The following RAVER2 variants were observed in gnomAD, a reference collection of about 807,000 sequenced individuals.
The protein encoded by RAVER2 is ribonucleoprotein PTB-binding 2.
In RAVER2, 46 loss-of-function variants were observed where a neutral mutation model predicts 78.1. The observed-to-expected ratio is 0.59, with a 90% CI of 0.46 to 0.75. The LOEUF (loss-of-function observed/expected upper bound fraction) is 0.75. Among genes scored for constraint, RAVER2 ranks in the 30% least tolerant of loss-of-function variants. The pLI is 0.00. For synonymous variants in RAVER2, 311 were observed against 313.3 expected, an observed-to-expected ratio of 0.99 and a Z score of 0.08; for missense variants, 793 against 837.5, an observed-to-expected ratio of 0.95 and a Z score of 0.66.
chr1:64,770,822 CAGAAT>C (rs1023127352), intron 2 of RAVER2, among the ~76,000 whole-genome samples: 3 of 151,612 alleles, frequency 2.0e-5, no homozygotes, highest in Non-Finnish European at 4.4e-5. Flanking sequence ...GGATTAATGG[CAGAAT>C]AGACACTGTG....
At chr1:64,833,173 C>G in exon 12 of RAVER2, 1 of 195,332 alleles carries the variant, frequency 5.1e-6, no homozygotes, top group Non-Finnish European at 1.1e-5. Flanking sequence ...TCTATGTAAG[C>G]AAATTGTTTG....
At chr1:64,748,239 A>T (rs572611133) in intron 1 of RAVER2, among the ~76,000 whole-genome samples, 2 of 152,222 alleles carry the variant, frequency 1.3e-5, no homozygotes, top group Non-Finnish European at 2.9e-5. Flanking sequence ...GGTCTGCCTA[A>T]GCTTTCTGGA....
At chr1:64,777,845 G>A (rs1048564210) in exon 3 of RAVER2, 1 of 1,614,084 alleles carries the variant, frequency 6.2e-7, no homozygotes, top group Non-Finnish European at 8.5e-7. Context: ...GAAGTTACTG[G>A]CCATTCCAAA....
chr1:64,827,746 T>C (rs1019749629), intron 11 of RAVER2, among the ~76,000 whole-genome samples: 1 of 152,268 alleles, frequency 6.6e-6, no homozygotes, highest in African/African-American at 2.4e-5. Flanking sequence ...ACATATAATC[T>C]GTGTGTTTGC....
intron 2 of RAVER2, among the ~76,000 whole-genome samples, chr1:64,771,292 A>G (rs1403575228): frequency 1.3e-5 from 2 of 152,034 alleles, no homozygotes; most frequent in Non-Finnish European, 2.9e-5. Context: ...CAAAAACACA[A>G]CAGGTCCACA....
At chr1:64,810,810 C>A (rs1418984259) in intron 9 of RAVER2, among the ~76,000 whole-genome samples, 1 of 152,096 alleles carries the variant, frequency 6.6e-6, no homozygotes, top group African/African-American at 2.4e-5. Flanking sequence ...GAGTTTTCTA[C>A]ATACAGTTGA....
intron 1 of RAVER2, among the ~76,000 whole-genome samples, chr1:64,758,322 G>C (rs528309516): frequency 1.3e-5 from 2 of 151,834 alleles, no homozygotes; most frequent in South Asian, 4.2e-4. Context: ...TATGTTAAAT[G>C]GCAAAAAGGG....
chr1:64,804,902 A>G, intron 7 of RAVER2, 64 bp downstream of exon 7: 2 of 1,509,140 alleles, frequency 1.3e-6, no homozygotes, highest in Non-Finnish European at 1.8e-6. Flanking sequence ...CAGGCTGTGG[A>G]TCAGGTTGTT....
intron 9 of RAVER2, among the ~76,000 whole-genome samples, chr1:64,811,880 C>T (rs1053706328): frequency 3.3e-5 from 5 of 152,184 alleles, no homozygotes; most frequent in Non-Finnish European, 5.9e-5. Flanking sequence ...CTAACTAATA[C>T]ATAAAAATAT....
chr1:64,747,936 AT>A lies in RAVER2; in HGVS notation c.249+2521del, dbSNP rs539085177. The stretch of plus-strand genomic sequence containing the variant: ...ATAACTTACTAGTAGAAACCCAATA[AT>A]TTTTTCTTAACATTTGAAATATATG... On this transcript the variant is annotated intron_variant, in intron 1 of 11. Transcript: ENST00000294428. 4.5e-3 allele frequency among the ~76,000 whole-genome samples: 681 copies of A among 152,100 alleles called. 5 individuals are homozygous for A. Among genetic ancestry groups the A allele is most frequent in the Non-Finnish European group, 7.6e-3 (518 of 68,004 alleles).
chr1:64,832,847 C>CTCT (rs1440465760), exon 12 of RAVER2: 2 of 152,234 alleles, frequency 1.3e-5, no homozygotes, highest in Non-Finnish European at 2.9e-5. Flanking sequence ...TGCATTCAGC[C>CTCT]TCTTCAATGC....
chr1:64,829,276 G>A lies in RAVER2; in HGVS notation c.1930-1563G>A, dbSNP rs569674113. Among the ~76,000 whole-genome samples the A allele has an allele frequency of 4.6e-5, 7 of 152,316 alleles. No homozygotes were observed. The East Asian group carries it at 1.2e-3, about 25-fold the overall frequency. On this transcript the variant is annotated intron_variant, in intron 11 of 11. Coordinates refer to ENST00000294428, the Ensembl canonical transcript of RAVER2. ...TGGGGAAGGTGGGTGAGAAGAGCAG[G>A]AGCATCCCAGATCCCAGAGTGAGCA...
At chr1:64,770,104 T>C (rs1652274588) in intron 2 of RAVER2, among the ~76,000 whole-genome samples, 1 of 152,056 alleles carries the variant, frequency 6.6e-6, no homozygotes, top group Non-Finnish European at 1.5e-5. Flanking sequence ...GCTTTACCTT[T>C]CCCAGTATTT....
chr1:64,823,413 A>G lies in RAVER2; in HGVS notation c.1930-7426A>G, dbSNP rs183701318. On this transcript the variant is annotated intron_variant, in intron 11 of 11. Coordinates refer to ENST00000294428, the Ensembl canonical transcript of RAVER2. ...CTTGAATATTTGAACTATGATTGGGAAAACTTAAATCAGAAATAAATTATT... is the reference window on the plus strand; with the variant it reads ...CTTGAATATTTGAACTATGATTGGGGAAACTTAAATCAGAAATAAATTATT... Among the ~76,000 whole-genome samples the G allele has an allele frequency of 2.7e-4, 41 of 152,332 alleles. 1 individual carries two copies. The East Asian group carries it at 7.3e-3, about 27-fold the overall frequency.
At position 64,777,619 on chromosome 1, in the gene RAVER2, C is replaced by T. The variant is rs1401007119; in HGVS notation, c.317-4C>T. ...ACTCTTTAATTCATTTCGTTATCTT[C>T]CAGCTTTTGTTACCTTATTGAATGG... On this transcript the variant is annotated splice_polypyrimidine_tract_variant and splice_region_variant and intron_variant, in intron 2 of 11. Transcript: ENST00000294428. 1 of 1,592,282 alleles carries T rather than the reference C, an allele frequency of 6.3e-7. No individual in the cohort carries two copies. The highest frequency in any genetic ancestry group is 2.2e-5 in the East Asian group (1 of 44,642).
intron 9 of RAVER2, among the ~76,000 whole-genome samples, chr1:64,811,964 T>C (rs577742758): frequency 1.3e-5 from 2 of 152,346 alleles, no homozygotes; most frequent in African/African-American, 4.8e-5. Flanking sequence ...TTAAACTCAT[T>C]TATTTTGTTT....
At chr1:64,812,362 CAAAAAAAAA>C (rs61411897) in intron 9 of RAVER2, among the ~76,000 whole-genome samples, 2 of 70,088 alleles carry the variant, frequency 2.9e-5, no homozygotes, top group African/African-American at 5.6e-5. Flanking sequence ...ATTCCATCTC[CAAAAAAAAA>C]AAAAAAAAAA....
chr1:64,763,060 A>G (rs1310201146), intron 1 of RAVER2, among the ~76,000 whole-genome samples: 1 of 152,240 alleles, frequency 6.6e-6, no homozygotes, highest in African/African-American at 2.4e-5. Flanking sequence ...CTGTAATCCC[A>G]GCACTTTGGG....
rs773390218 is a variant in RAVER2, at chr1:64,759,346, A to G, written c.250-9310A>G. Among the ~76,000 whole-genome samples, 340 of 150,982 alleles carry G rather than the reference A, an allele frequency of 2.3e-3. 2 individuals carry two copies. The highest frequency in any genetic ancestry group is 6.8e-3 in the Middle Eastern group (2 of 294). On this transcript the variant is annotated intron_variant, in intron 1 of 11. Coordinates refer to ENST00000294428, the Ensembl canonical transcript of RAVER2. ...GGCATTCTCCTGCCTCAGCCTCTGG[A>G]GTAGCTGGAACTACAAGGCGCCCGC...
Sources: gnomAD v4.1 joint callset for allele counts (sites outside exome capture counted in the v4.1 genomes callset) on GRCh38, gnomAD v4.1.1 for gene constraint, MANE v1.5 for transcripts, NCBI Gene and HGNC (gene_info 2026-07-23, HGNC 2026-07-21) for gene names.